VSTM2L: variants seen among roughly 807,000 people sequenced by gnomAD.
VSTM2L encodes the protein V-set and transmembrane domain-containing protein 2-like protein.
In VSTM2L, 9 loss-of-function variants were observed where a neutral mutation model predicts 19.9. The ratio of observed to expected loss-of-function variants is 0.45; its 90% CI spans 0.27 to 0.79. The LOEUF is 0.79. Among genes scored for constraint, VSTM2L ranks in the 30% least tolerant of loss-of-function variants. The pLI, the probability that VSTM2L is intolerant of heterozygous loss-of-function variation, is 0.15. For missense variants in VSTM2L, 286 were observed against 295.5 expected (o/e 0.97, Z 0.24); for synonymous variants, 127 against 133.8 (o/e 0.95, Z 0.35).
chr20:37,915,083 C>A (rs2072809943), intron 1 of VSTM2L, among the ~76,000 whole-genome samples: 1 of 152,238 alleles, frequency 6.6e-6, no homozygotes, highest in Non-Finnish European at 1.5e-5. Context: ...CTAATGGAGG[C>A]CCGGCGGCCA....
At chr20:37,915,388 C>T (rs764852324) in intron 1 of VSTM2L, among the ~76,000 whole-genome samples, 34 of 152,060 alleles carry the variant, frequency 2.2e-4, no homozygotes, top group Non-Finnish European at 3.8e-4. Flanking sequence ...CCCCTTCAGC[C>T]ATGAATTCTC....
intron 1 of VSTM2L, among the ~76,000 whole-genome samples, chr20:37,913,102 C>T (rs1338007959): frequency 6.6e-6 from 1 of 152,168 alleles, no homozygotes; most frequent in Admixed American, 6.5e-5. Context: ...AGCAGGCACT[C>T]AGTAAATGTC....
At chr20:37,905,531 C>G (rs944705475) in intron 1 of VSTM2L, among the ~76,000 whole-genome samples, 3 of 152,178 alleles carry the variant, frequency 2.0e-5, no homozygotes, top group Non-Finnish European at 4.4e-5. Flanking sequence ...AGGCCCAGGA[C>G]AGGGGCTAGA....
At chr20:37,912,865 T>C (rs980601813) in intron 1 of VSTM2L, among the ~76,000 whole-genome samples, 2 of 152,140 alleles carry the variant, frequency 1.3e-5, no homozygotes, top group South Asian at 2.1e-4. Flanking sequence ...TCTCTCCCCC[T>C]CTCTCTCTGG....
intron 1 of VSTM2L, among the ~76,000 whole-genome samples, chr20:37,908,954 T>G (rs955376007): frequency 6.6e-6 from 1 of 152,122 alleles, no homozygotes; most frequent in African/African-American, 2.4e-5. Context: ...GCCCACTGTT[T>G]AGATGAAGAA....
chr20:37,944,365 C>A lies in VSTM2L; in HGVS notation c.*112C>A. Reference sequence around the variant, plus strand: ...GTCCAGCCGCGCCCCATCCCCGAGGCCGCCTGTGGCCACCATGTCGGCCCT... The same window carrying A: ...GTCCAGCCGCGCCCCATCCCCGAGGACGCCTGTGGCCACCATGTCGGCCCT... On this transcript the variant is annotated 3_prime_UTR_variant, in exon 4 of 4. Transcript: ENST00000373461. 7.8e-7 allele frequency: 1 copy of A among 1,280,938 alleles called. No homozygotes were observed. Among genetic ancestry groups the A allele is most frequent in the Non-Finnish European group, 1.0e-6 (1 of 986,602 alleles). 79.3% of individuals were successfully genotyped at this position (1,280,938 alleles called of 1,614,324 possible).
At chr20:37,936,398 C>A (rs150445486) in intron 3 of VSTM2L, among the ~76,000 whole-genome samples, 123 of 152,252 alleles carry the variant, frequency 8.1e-4, no homozygotes, top group African/African-American at 2.9e-3. Context: ...ACTGTTGGGA[C>A]CTAATTAGAT....
intron 1 of VSTM2L, among the ~76,000 whole-genome samples, chr20:37,904,241 G>C (rs1346212794): frequency 1.3e-5 from 2 of 152,230 alleles, no homozygotes; most frequent in Non-Finnish European, 2.9e-5. Context: ...CCAGAGGCAT[G>C]GGAGTGGGAG....
chr20:37,930,522 C>A (rs771809332), intron 1 of VSTM2L, among the ~76,000 whole-genome samples: 1 of 152,090 alleles, frequency 6.6e-6, no homozygotes, highest in East Asian at 1.9e-4. Flanking sequence ...CTTTCCAGGG[C>A]GATAATCTCT....
chr20:37,907,050 C>T (rs1001495528), intron 1 of VSTM2L, among the ~76,000 whole-genome samples: 3 of 152,144 alleles, frequency 2.0e-5, no homozygotes, highest in Non-Finnish European at 2.9e-5. Context: ...TGCAGATCCC[C>T]CAAACCCGCT....
chr20:37,943,109 C>T (rs1441455205), intron 3 of VSTM2L, among the ~76,000 whole-genome samples: 4 of 151,784 alleles, frequency 2.6e-5, no homozygotes, highest in African/African-American at 9.7e-5. Context: ...CTGGGATTAC[C>T]GGCATGCACC....
chr20:37,940,119 T>A (rs557643322), intron 3 of VSTM2L, among the ~76,000 whole-genome samples: 5 of 151,996 alleles, frequency 3.3e-5, no homozygotes, highest in Admixed American at 2.0e-4. Context: ...CCTTGTAGGG[T>A]TGACAAATGA....
At chr20:37,940,015 G>A (rs2072962790) in intron 3 of VSTM2L, among the ~76,000 whole-genome samples, 1 of 152,194 alleles carries the variant, frequency 6.6e-6, no homozygotes. Context: ...CCATCTAGGG[G>A]ATGGGAGTGG....
chr20:37,911,926 G>A (rs1004835559), intron 1 of VSTM2L, among the ~76,000 whole-genome samples: 19 of 152,164 alleles, frequency 1.2e-4, no homozygotes, highest in African/African-American at 3.9e-4. Context: ...GTATGTGTGC[G>A]GGTGAGGATG....
chr20:37,920,980 G>C (rs1260204840), intron 1 of VSTM2L, among the ~76,000 whole-genome samples: 1 of 152,300 alleles, frequency 6.6e-6, no homozygotes, highest in African/African-American at 2.4e-5. Flanking sequence ...CTGTGTGCCT[G>C]ATCTGGGCTG....
intron 1 of VSTM2L, among the ~76,000 whole-genome samples, chr20:37,920,378 A>G (rs1026449503): frequency 2.0e-5 from 3 of 152,246 alleles, no homozygotes; most frequent in Admixed American, 6.5e-5. Flanking sequence ...AGATGATGCC[A>G]CGGGGCTGCT....
chr20:37,921,918 C>T (rs544132840), intron 1 of VSTM2L, among the ~76,000 whole-genome samples: 1 of 145,992 alleles, frequency 6.8e-6, no homozygotes, highest in Non-Finnish European at 1.5e-5. Context: ...TCATAGCCCA[C>T]TGCAGCCTTG....
chr20:37,939,428 A>C (rs2072959088), intron 3 of VSTM2L, among the ~76,000 whole-genome samples: 1 of 152,174 alleles, frequency 6.6e-6, no homozygotes, highest in Non-Finnish European at 1.5e-5. Context: ...CAAAAAAAAG[A>C]AAAAGAAAGA....
rs1568837638 is a variant in VSTM2L, at chr20:37,921,837, C to CTTTTTTTTTT, written c.122-9798_122-9797insTTTTTTTTTT. On this transcript the variant is annotated intron_variant, in intron 1 of 3. Coordinates refer to ENST00000373461, the MANE Select transcript of VSTM2L (RefSeq NM_080607.3). ...CTTTCTCTCTTTCTTTCTTTCTTTT[C>CTTTTTTTTTT]CTTTTTTTTTTTTTTTTTTTTTTGA... Among the ~76,000 whole-genome samples the CTTTTTTTTTT allele has an allele frequency of 7.2e-4, 91 of 126,588 alleles. 1 individual carries two copies. Among genetic ancestry groups the CTTTTTTTTTT allele is most frequent in the African/African-American group, 3.1e-3 (88 of 28,024 alleles). 83.0% of individuals were successfully genotyped at this position (126,588 alleles called of 152,430 possible).
Sources: gnomAD v4.1 joint callset for allele counts (sites outside exome capture counted in the v4.1 genomes callset) on GRCh38, gnomAD v4.1.1 for gene constraint, MANE v1.5 for transcripts, NCBI Gene and HGNC (gene_info 2026-07-23, HGNC 2026-07-21) for gene names.